ARHGAP20: variants seen among roughly 807,000 people sequenced by gnomAD.
ARHGAP20 encodes the protein Rho GTPase activating protein 20, also known as rho GTPase-activating protein 20.
Under a neutral mutation model 73.7 loss-of-function variants are expected in ARHGAP20, and 34 were observed. The observed-to-expected ratio is 0.46, with a 90% CI of 0.35 to 0.61. The LOEUF is 0.61. Ranked by LOEUF, ARHGAP20 falls within the 20% of genes least tolerant of loss-of-function variation. The probability of loss-of-function intolerance (pLI) is 0.00; values close to 1 mark genes in which losing one functional copy is unlikely to be tolerated. For missense variants in ARHGAP20, 1,314 were observed against 1,420.9 expected (o/e 0.92, Z 1.21); for synonymous variants, 523 against 518.2 (o/e 1.01, Z -0.13).
chr11:110,644,967 A>G (rs969054184), intron 2 of ARHGAP20, among the ~76,000 whole-genome samples: 1 of 151,432 alleles, frequency 6.6e-6, no homozygotes, highest in Non-Finnish European at 1.5e-5. Flanking sequence ...CCCATTAAAA[A>G]TTTTGTGAGC....
chr11:110,706,733 CA>C, intron 1 of ARHGAP20, among the ~76,000 whole-genome samples: 1 of 152,108 alleles, frequency 6.6e-6, no homozygotes, highest in Middle Eastern at 3.4e-3. Flanking sequence ...TACAAAGAAA[CA>C]AAGCCCAATC....
intron 1 of ARHGAP20, among the ~76,000 whole-genome samples, chr11:110,700,637 G>T (rs1196526337): frequency 1.3e-5 from 2 of 150,576 alleles, no homozygotes; most frequent in Non-Finnish European, 3.0e-5. Context: ...TGTGCACAAT[G>T]TGCAGGTTAG....
rs933190019 is a variant in ARHGAP20, at chr11:110,629,393, C to T, written c.353+1235G>A. 3.3e-5 allele frequency among the ~76,000 whole-genome samples: 5 copies of T among 152,144 alleles called. No individual in the cohort carries two copies. In the East Asian group the frequency reaches 7.7e-4, roughly 23 times the overall value. ...GTGATTCTCCTATTATAATATCTAG[C>T]ATAAAGAACTCATCCAATAATTTTT... On this transcript the variant is annotated intron_variant, in intron 3 of 14. Transcript: ENST00000683387.
intron 2 of ARHGAP20, among the ~76,000 whole-genome samples, chr11:110,678,872 C>A (rs920931648): frequency 5.3e-5 from 8 of 152,104 alleles, no homozygotes; most frequent in African/African-American, 1.9e-4. Flanking sequence ...ACCACGTTGC[C>A]CAGGCTGGTC....
chr11:110,692,831 G>A (rs1950268958), intron 1 of ARHGAP20, among the ~76,000 whole-genome samples: 1 of 151,950 alleles, frequency 6.6e-6, no homozygotes, highest in Admixed American at 6.6e-5. Context: ...AAAAAGAAAT[G>A]AGGAGAAACA....
chr11:110,625,055 G>A (rs1281487525), intron 3 of ARHGAP20, among the ~76,000 whole-genome samples: 52 of 145,210 alleles, frequency 3.6e-4, no homozygotes, highest in African/African-American at 1.3e-3. Context: ...TTTTGAGACG[G>A]AGTCTCGCTC....
intron 2 of ARHGAP20, among the ~76,000 whole-genome samples, chr11:110,673,620 C>T (rs1009365360): frequency 6.6e-6 from 1 of 152,050 alleles, no homozygotes; most frequent in Non-Finnish European, 1.5e-5. Flanking sequence ...GAATTGTTGG[C>T]CTCCAGAGTT....
At chr11:110,665,757 G>A (rs1949711421) in intron 2 of ARHGAP20, among the ~76,000 whole-genome samples, 1 of 152,158 alleles carries the variant, frequency 6.6e-6, no homozygotes, top group Admixed American at 6.5e-5. Context: ...GAAATTACCT[G>A]AGGCTGGGAA....
intron 8 of ARHGAP20, 41 bp from the exon 9 acceptor site, chr11:110,606,790 G>A: frequency 6.8e-7 from 1 of 1,479,790 alleles, no homozygotes; most frequent in Non-Finnish European, 9.0e-7. Context: ...CAGGCTGACT[G>A]GTACTGTTAG....
intron 2 of ARHGAP20, among the ~76,000 whole-genome samples, chr11:110,644,000 G>A (rs906606711): frequency 6.6e-6 from 1 of 152,014 alleles, no homozygotes; most frequent in African/African-American, 2.4e-5. Context: ...TATCATTATA[G>A]CATTTCTATA....
At chr11:110,697,009 T>C (rs1230777777) in intron 1 of ARHGAP20, among the ~76,000 whole-genome samples, 1 of 151,764 alleles carries the variant, frequency 6.6e-6, no homozygotes, top group Non-Finnish European at 1.5e-5. Flanking sequence ...GACTTTGCTA[T>C]TGTGAGTAGT....
chr11:110,609,059 TAA>T lies in ARHGAP20; in HGVS notation c.709-11_709-10del. ...TAATCTCTCTCAGAGCCCTTAGAGATAAAAGAGTTAAATGTCACAATAAATCT... is the reference window on the plus strand; with the variant it reads ...TAATCTCTCTCAGAGCCCTTAGAGATAAGAGTTAAATGTCACAATAAATCT... On this transcript the variant is annotated splice_polypyrimidine_tract_variant and intron_variant, in intron 7 of 14. Transcript: ENST00000683387. 1 of 1,608,874 alleles carries T rather than the reference TAA, an allele frequency of 6.2e-7. No homozygotes were observed. The highest frequency in any genetic ancestry group is 8.5e-7 in the Non-Finnish European group (1 of 1,177,412).
At chr11:110,698,086 C>T (rs1333416601) in intron 1 of ARHGAP20, among the ~76,000 whole-genome samples, 3 of 151,288 alleles carry the variant, frequency 2.0e-5, no homozygotes, top group African/African-American at 7.3e-5. Context: ...GTGTCATCTA[C>T]GATTTCTTTC....
chr11:110,578,558 TAGA>T lies in ARHGAP20; in HGVS notation c.*809_*811del, dbSNP rs1947347048. ...CGCTGTCAGGAGGTCACCTTCTAAA[TAGA>T]AGAAGTTGCATTTCTGAAGAATGTT... On this transcript the variant is annotated 3_prime_UTR_variant, in exon 15 of 15. Coordinates refer to ENST00000683387, the MANE Select transcript of ARHGAP20 (RefSeq NM_001384657.1). 3 of 985,434 alleles carry T rather than the reference TAGA, an allele frequency of 3.0e-6. No homozygotes were observed. The highest frequency in any genetic ancestry group is 1.1e-4 in the East Asian group (1 of 8,820). 61.0% of individuals were successfully genotyped at this position (985,434 alleles called of 1,614,324 possible). A position where few individuals can be genotyped will look rare whatever the true frequency, so the allele number is the denominator to read the frequency against.
intron 1 of ARHGAP20, among the ~76,000 whole-genome samples, chr11:110,692,041 C>T (rs187964207): frequency 1.7e-4 from 26 of 152,168 alleles, no homozygotes; most frequent in African/African-American, 6.3e-4. Context: ...TCATCGGATT[C>T]CCAGAAAAGT....
At chr11:110,585,008 TGTATGTGAAC>T (rs1219129971) in intron 12 of ARHGAP20, among the ~76,000 whole-genome samples, 26 of 134,970 alleles carry the variant, frequency 1.9e-4, no homozygotes, top group Non-Finnish European at 3.2e-4. Context: ...TATATGAATA[TGTATGTGAAC>T]ATATATGTGA....
At position 110,577,662 on chromosome 11, in the gene ARHGAP20, T is replaced by G; in HGVS notation, c.*1708A>C. 6 of 985,840 alleles carry G rather than the reference T, an allele frequency of 6.1e-6. No individual in the cohort carries two copies. The highest frequency in any genetic ancestry group is 7.2e-6 in the Non-Finnish European group (6 of 829,914). 61.1% of individuals were successfully genotyped at this position (985,840 alleles called of 1,614,324 possible). Reference sequence around the variant, plus strand: ...CTTAATATGTAGGACTGGTTAGTTATAAAGTGAAATCGACTTCACATCTGT... The same window carrying G: ...CTTAATATGTAGGACTGGTTAGTTAGAAAGTGAAATCGACTTCACATCTGT... On this transcript the variant is annotated 3_prime_UTR_variant, in exon 15 of 15. Coordinates refer to ENST00000683387, the MANE Select transcript of ARHGAP20 (RefSeq NM_001384657.1).
In ARHGAP20 at chr11:110,704,003, G is replaced by A. The variant is rs939146193; in HGVS notation, c.105+8124C>T. The stretch of plus-strand genomic sequence containing the variant: ...AAGAGGCTAATTGTCAGACACAACC[G>A]CAACAGTTGGGAAGCTTTGCCTTAC... On this transcript the variant is annotated intron_variant, in intron 1 of 14. Transcript: ENST00000683387. Among the ~76,000 whole-genome samples, 26 of 152,284 alleles carry A rather than the reference G, an allele frequency of 1.7e-4. No individual in the cohort carries two copies. The East Asian group carries it at 1.9e-3, about 11-fold the overall frequency.
chr11:110,606,003 T>C (rs774430933), intron 9 of ARHGAP20, among the ~76,000 whole-genome samples: 2 of 152,230 alleles, frequency 1.3e-5, no homozygotes, highest in Non-Finnish European at 2.9e-5. Flanking sequence ...ACAGTTCTCT[T>C]ATATTGAAGA....
Sources: gnomAD v4.1 joint callset for allele counts (sites outside exome capture counted in the v4.1 genomes callset) on GRCh38, gnomAD v4.1.1 for gene constraint, MANE v1.5 for transcripts, NCBI Gene and HGNC (gene_info 2026-07-23, HGNC 2026-07-21) for gene names.